BBOF1: variants seen among roughly 807,000 people sequenced by gnomAD.
BBOF1 encodes basal body-orientation factor 1.
BBOF1 carries 62 observed loss-of-function variants against 68.0 expected under a neutral mutation model. That is an observed-to-expected ratio of 0.91 (90% CI 0.74 to 1.13). The LOEUF (loss-of-function observed/expected upper bound fraction) is 1.13. Among genes scored for constraint, BBOF1 ranks in the 50% most tolerant of loss-of-function variants. The pLI is 0.00. For missense variants in BBOF1, 534 were observed against 600.1 expected (o/e 0.89, Z 1.15); for synonymous variants, 208 against 198.8 (o/e 1.05, Z -0.39).
At chr14:74,051,130 G>A (rs2060059495) in intron 8 of BBOF1, among the ~76,000 whole-genome samples, 1 of 152,032 alleles carries the variant, frequency 6.6e-6, no homozygotes, top group Non-Finnish European at 1.5e-5. Context: ...TGTAATCCTA[G>A]CTACTTGGGA....
chr14:74,035,447 T>TAC (rs1230923318), intron 4 of BBOF1, among the ~76,000 whole-genome samples: 1 of 143,436 alleles, frequency 7.0e-6, no homozygotes. Context: ...GACAGAGTCT[T>TAC]ACTCCATCAC....
chr14:74,036,005 T>C (rs2059690219), intron 4 of BBOF1, among the ~76,000 whole-genome samples: 1 of 152,064 alleles, frequency 6.6e-6, no homozygotes, highest in Non-Finnish European at 1.5e-5. Context: ...AAAACTACCA[T>C]ACCACTGCAG....
chr14:74,040,904 C>A (rs1417033180), intron 5 of BBOF1: 3 of 457,964 alleles, frequency 6.6e-6, no homozygotes, highest in African/African-American at 6.1e-5. Context: ...TTGATACTCC[C>A]CTGGTGAGAC....
At chr14:74,071,936 C>G (rs757916989) in intron 9 of BBOF1, 1 of 1,614,096 alleles carries the variant, frequency 6.2e-7, no homozygotes, top group Non-Finnish European at 8.5e-7. Context: ...CAGCTAGGGT[C>G]TTCCCTTGTT....
chr14:74,065,501 T>A lies in BBOF1; in HGVS notation c.*802T>A. The A allele has an allele frequency of 2.4e-6, 2 of 816,554 alleles. No individual in the cohort carries two copies. The highest frequency in any genetic ancestry group is 1.7e-5 in the African/African-American group (1 of 57,832). The allele number at this position is 816,554 out of a possible 1,614,324, so 50.6% of individuals were successfully genotyped here. ...TAATCTCTTTTCATTTCAAATCACC[T>A]ATTTAAAAAAAAAGTCCTCTCTCAA... On this transcript the variant is annotated 3_prime_UTR_variant, in exon 12 of 12. Transcript: ENST00000394009.
chr14:74,055,805 A>T (rs1458429420), intron 9 of BBOF1, 120 bp downstream of exon 9: 2 of 657,268 alleles, frequency 3.0e-6, no homozygotes, highest in East Asian at 5.5e-5. Flanking sequence ...CAGAAAATAT[A>T]AAAAGGCCCT....
At chr14:74,028,313 G>A (rs2059480178) in intron 2 of BBOF1, among the ~76,000 whole-genome samples, 1 of 152,024 alleles carries the variant, frequency 6.6e-6, no homozygotes, top group Non-Finnish European at 1.5e-5. Context: ...AGGTTGCTGT[G>A]AGCCAAGATT....
intron 3 of BBOF1, among the ~76,000 whole-genome samples, chr14:74,033,658 C>T (rs1330164710): frequency 6.6e-6 from 1 of 151,882 alleles, no homozygotes; most frequent in African/African-American, 2.4e-5. Flanking sequence ...GAGTGGATCA[C>T]GAGGTCAGGA....
chr14:74,029,372 G>C (rs922488783), intron 3 of BBOF1, 123 bp downstream of exon 3: 7 of 600,262 alleles, frequency 1.2e-5, no homozygotes, highest in Admixed American at 5.7e-5. Context: ...TGACCTTAAA[G>C]CTTGATTGTA....
intron 11 of BBOF1, among the ~76,000 whole-genome samples, chr14:74,064,263 A>G (rs572807941): frequency 1.5e-3 from 222 of 150,318 alleles, no homozygotes; most frequent in Middle Eastern, 0.01. Context: ...ATGCCACAGC[A>G]CTCCAGCCTG....
intron 4 of BBOF1, among the ~76,000 whole-genome samples, 193 bp from the exon 5 acceptor site, chr14:74,040,372 A>G (rs1050454853): frequency 6.6e-6 from 1 of 152,202 alleles, no homozygotes. Context: ...CTACTGTACT[A>G]ATGTTATCAA....
downstream of BBOF1, chr14:74,067,409 T>G (rs545522891): frequency 2.0e-5 from 33 of 1,613,802 alleles, no homozygotes; most frequent in East Asian, 3.3e-4. Flanking sequence ...TTTGGCATGC[T>G]CCACCAGCTC....
rs1182965496 is a variant in BBOF1 at position 74,034,069 on chromosome 14, G to C, written c.393G>C (p.Gln131His). The change falls in exon 4 of 12, where the codon CAG becomes CAC. Residue 131 changes from glutamine (Q) to histidine (H), a missense_variant. Physicochemically the swap from Gln to His is conservative, Grantham distance 24. Coordinates refer to ENST00000394009, the MANE Select transcript of BBOF1 (RefSeq NM_025057.3). ...GGCAAATTAATGAACTAGAGGGACA[G>C]TTCCATCAAAAAGCCAAAGAAATTG... is the stretch of plus-strand genomic sequence containing the variant. ...YTRQINELEG[Q>H]FHQKAKEIGM... is the part of the protein sequence containing the mutation. The C allele has an allele frequency of 1.2e-6, 2 of 1,608,424 alleles. No individual in the cohort carries two copies. Among genetic ancestry groups the C allele is most frequent in the Non-Finnish European group, 1.7e-6 (2 of 1,177,626 alleles).
At chr14:74,076,719 T>A (rs2060617369) in intron 9 of BBOF1, among the ~76,000 whole-genome samples, 1 of 152,042 alleles carries the variant, frequency 6.6e-6, no homozygotes, top group African/African-American at 2.4e-5. Flanking sequence ...TTTTATTTTT[T>A]TTGTATTTTT....
In BBOF1 at chr14:74,048,017, T is replaced by G; in HGVS notation, c.735T>G (p.Ala245=). 6.2e-7 allele frequency: 1 copy of G among 1,613,322 alleles called. No homozygotes were observed. Among genetic ancestry groups the G allele is most frequent in the South Asian group, 1.1e-5 (1 of 90,854 alleles). The change falls in exon 7 of 12, where the codon GCT becomes GCG. Residue 245 remains alanine (A), a synonymous_variant. Coordinates refer to ENST00000394009, the MANE Select transcript of BBOF1 (RefSeq NM_025057.3). Reference sequence around the variant, plus strand: ...CATATCACCTGAAGGAAACTGACGCTCTACAAAAAAACTCCCAGAAGTTGC... The same window carrying G: ...CATATCACCTGAAGGAAACTGACGCGCTACAAAAAAACTCCCAGAAGTTGC... ...ALAYHLKETD[A]LQKNSQKLQE... is the part of the protein sequence containing the mutation.
intron 5 of BBOF1, among the ~76,000 whole-genome samples, chr14:74,041,006 G>A (rs1410953904): frequency 6.6e-6 from 1 of 152,138 alleles, no homozygotes; most frequent in African/African-American, 2.4e-5. Context: ...GTCAAGCCGA[G>A]CTAAAGATGT....
chr14:74,061,135 G>A (rs1472246467), intron 11 of BBOF1, among the ~76,000 whole-genome samples: 2 of 151,328 alleles, frequency 1.3e-5, no homozygotes, highest in East Asian at 1.9e-4. Flanking sequence ...CTGCTACCAC[G>A]CCTGGCTAAT....
rs1290771016 is a variant in BBOF1 at position 74,072,346 on chromosome 14, C to A, written n.1380-5850C>A. On this transcript the variant is annotated intron_variant and non_coding_transcript_variant, in intron 9 of 12. Transcript: ENST00000492026. Reference sequence around the variant, plus strand: ...GCCTTGGTGGCCTGAGGGACCCGACCAATGACCTCATTGGTGGCCTGATGA... The same window carrying A: ...GCCTTGGTGGCCTGAGGGACCCGACAAATGACCTCATTGGTGGCCTGATGA... 1.2e-6 allele frequency: 2 copies of A among 1,614,146 alleles called. No homozygotes were observed. Among genetic ancestry groups the A allele is most frequent in the Admixed American group, 1.7e-5 (1 of 60,018 alleles).
At chr14:74,045,608 C>A (rs2059931592) in intron 5 of BBOF1, among the ~76,000 whole-genome samples, 1 of 152,184 alleles carries the variant, frequency 6.6e-6, no homozygotes, top group Admixed American at 6.6e-5. Context: ...CGCGCCCGGA[C>A]AATGCTCATA....
Sources: gnomAD v4.1 joint callset for allele counts (sites outside exome capture counted in the v4.1 genomes callset) on GRCh38, gnomAD v4.1.1 for gene constraint, MANE v1.5 for transcripts, NCBI Gene and HGNC (gene_info 2026-07-23, HGNC 2026-07-21) for gene names.